The following KIAA1549 variants were observed in gnomAD, a reference collection of about 807,000 sequenced individuals.
KIAA1549 encodes KIAA1549, also known as UPF0606 protein KIAA1549.
Under a neutral mutation model 156.4 loss-of-function variants are expected in KIAA1549, and 70 were observed. The observed-to-expected ratio is 0.45, with a 90% CI of 0.37 to 0.55. KIAA1549 has a LOEUF of 0.55. KIAA1549 is among the 20% of genes least tolerant of loss of function. KIAA1549 has a pLI of 0.00. For missense variants in KIAA1549, 2,428 were observed against 2,540.9 expected, an observed-to-expected ratio of 0.96 and a Z score of 0.96; for synonymous variants, 1,103 against 1,066.4, an observed-to-expected ratio of 1.03 and a Z score of -0.67.
At chr7:138,924,823 C>G (rs919263580) in intron 1 of KIAA1549, among the ~76,000 whole-genome samples, 2 of 152,232 alleles carry the variant, frequency 1.3e-5, no homozygotes, top group African/African-American at 2.4e-5. Flanking sequence ...CCCTGGAGAT[C>G]AATTTTCAAG....
chr7:138,971,250 G>A lies in KIAA1549; in HGVS notation c.187+9833C>T, dbSNP rs75073979. Among the ~76,000 whole-genome samples, 552 of 152,254 alleles carry A rather than the reference G, an allele frequency of 3.6e-3. 3 individuals carry two copies. The highest frequency in any genetic ancestry group is 0.013 in the African/African-American group (535 of 41,546). ...TCTCCTCTGGAAGCCAGTTGTGTTT[G>A]CTCAAGCTCCTGATCCCCCCACGCT... On this transcript the variant is annotated intron_variant, in intron 1 of 19. Coordinates refer to ENST00000422774, the MANE Select transcript of KIAA1549 (RefSeq NM_001164665.2).
At chr7:138,877,076 G>A (rs1050951465) in intron 12 of KIAA1549, among the ~76,000 whole-genome samples, 2 of 152,182 alleles carry the variant, frequency 1.3e-5, no homozygotes, top group South Asian at 2.1e-4. Flanking sequence ...GAGAGGGAAC[G>A]CTGGTCCCAT....
At chr7:138,906,651 TGGG>T (rs1812012639) in intron 6 of KIAA1549, among the ~76,000 whole-genome samples, 1 of 151,986 alleles carries the variant, frequency 6.6e-6, no homozygotes, top group South Asian at 2.1e-4. Flanking sequence ...TTTGGAGACT[TGGG>T]GGGAAGAGTG....
At chr7:138,963,601 C>A (rs1813919119) in intron 1 of KIAA1549, among the ~76,000 whole-genome samples, 1 of 152,144 alleles carries the variant, frequency 6.6e-6, no homozygotes, top group Non-Finnish European at 1.5e-5. Flanking sequence ...GGCATTAATA[C>A]ACTGTGTTTT....
intron 17 of KIAA1549, among the ~76,000 whole-genome samples, chr7:138,849,593 T>C (rs1215461240): frequency 1.3e-5 from 2 of 152,042 alleles, no homozygotes; most frequent in East Asian, 3.9e-4. Context: ...CAGGGGTACA[T>C]GTGCAGGTTT....
intron 1 of KIAA1549, among the ~76,000 whole-genome samples, chr7:138,921,988 T>C (rs1183374619): frequency 6.6e-6 from 1 of 152,140 alleles, no homozygotes; most frequent in Non-Finnish European, 1.5e-5. Context: ...ACAGCAAAGA[T>C]TGACAGCAAA....
intron 16 of KIAA1549, among the ~76,000 whole-genome samples, chr7:138,858,335 A>T (rs1810454132): frequency 6.6e-6 from 1 of 151,950 alleles, no homozygotes; most frequent in Admixed American, 6.6e-5. Flanking sequence ...GGCTCAATCA[A>T]TCCTCCTGCC....
Position 138,918,191 on chromosome 7 carries a change from G to A in KIAA1549, c.1435C>T (p.Gln479Ter). ...GAGGGGAAAAGCGTATTAAATACTT[G>A]AGGATCTTCCTCAAATTCAGAGAAG... ...ADFSEFEEDP[Q>*]VFNTLFPSRP... The change falls in exon 2 of 20, where the codon CAA (glutamine) becomes TAA (stop). Residue 479 changes from glutamine to a stop codon, truncating the protein, a stop_gained. Coordinates refer to ENST00000422774, the MANE Select transcript of KIAA1549 (RefSeq NM_001164665.2). LOFTEE classifies it high-confidence loss of function. The surrounding 1 kb of genome is among the most constrained non-coding windows in gnomAD (Gnocchi z 4.2). 6.2e-7 allele frequency: 1 copy of A among 1,614,016 alleles called. No homozygotes were observed. Among genetic ancestry groups the A allele is most frequent in the Non-Finnish European group, 8.5e-7 (1 of 1,179,890 alleles).
Position 138,879,608 on chromosome 7 carries a change from G to T in KIAA1549, c.4275C>A (p.Ser1425Arg). ...DADSTVSEES[S>R]ERDAGDKTPG... ...GCGTCTTATCTCCTGCGTCCCTCTC[G>T]CTGGACTCTTCACTGACCGTAGAGT... is the stretch of plus-strand genomic sequence containing the variant. Residue 1425 changes from serine (S) to arginine (R), a missense_variant, in exon 12 of 20, where the codon AGC (serine) becomes AGA (arginine). Coordinates refer to ENST00000422774, the MANE Select transcript of KIAA1549 (RefSeq NM_001164665.2). 1.3e-6 allele frequency: 2 copies of T among 1,564,478 alleles called. No individual in the cohort carries two copies. Among genetic ancestry groups the T allele is most frequent in the Non-Finnish European group, 1.7e-6 (2 of 1,154,574 alleles).
At chr7:138,873,539 T>C (rs999901095) in intron 12 of KIAA1549, among the ~76,000 whole-genome samples, 1 of 149,492 alleles carries the variant, frequency 6.7e-6, no homozygotes, top group African/African-American at 2.5e-5. Context: ...AGAAGTGGGA[T>C]CACTTTCCTC....
Position 138,834,582 on chromosome 7 carries a change from A to G in KIAA1549, c.*3324T>C, listed in dbSNP as rs1809647271. On this transcript the variant is annotated 3_prime_UTR_variant, in exon 20 of 20. Coordinates refer to ENST00000422774, the MANE Select transcript of KIAA1549 (RefSeq NM_001164665.2). ...CATGTCTGCTGGGTTATTTGGTGCC[A>G]GAGACACCAGAAAGTCGGGAGCAGA... 4.3e-6 allele frequency: 1 copy of G among 231,234 alleles called. No individual in the cohort carries two copies. Among genetic ancestry groups the G allele is most frequent in the Admixed American group, 5.6e-5 (1 of 17,722 alleles). 14.3% of individuals were successfully genotyped at this position (231,234 alleles called of 1,614,324 possible).
chr7:138,854,909 C>T (rs1277036913), intron 16 of KIAA1549, among the ~76,000 whole-genome samples: 2 of 152,176 alleles, frequency 1.3e-5, no homozygotes, highest in East Asian at 1.9e-4. Flanking sequence ...GCTAAAAATT[C>T]ATCAGCAGAA....
rs781146282 is a variant in KIAA1549 at position 138,918,411 on chromosome 7, G to A, written c.1215C>T (p.Asn405=). ...SNSALPGPVD[N]THILSPVSSF... ...AGGACACCGGGCTCAGGATATGAGT[G>A]TTGTCCACAGGACCGGGGAGGGCTG... Residue 405 remains asparagine, a synonymous_variant, in exon 2 of 20, where the codon AAC becomes AAT. Transcript: ENST00000422774. The surrounding 1 kb of genome is among the most constrained non-coding windows in gnomAD (Gnocchi z 4.2). 31 of 1,614,010 alleles carry A rather than the reference G, an allele frequency of 1.9e-5. No individual in the cohort carries two copies. Among genetic ancestry groups the A allele is most frequent in the Non-Finnish European group, 2.3e-5 (27 of 1,179,896 alleles).
rs761889875 is a variant in KIAA1549 at position 138,844,414 on chromosome 7, C to A, written c.5355G>T (p.Gln1785His). The change falls in exon 18 of 20, where the codon CAG becomes CAT. Residue 1785 changes from glutamine (Q) to histidine (H), a missense_variant. Gln to His is a conservative substitution (Grantham distance 24, BLOSUM62 0). This residue lies in a region of KIAA1549 where 363 missense variants were observed against 354.0 expected (regional missense o/e 1.03). Transcript: ENST00000422774. ...STELVPPDPQ[Q>H]PQASAEAPFA... ...ATGGGGCTTCGGCGGAGGCCTGTGG[C>A]TGCTGAGGGTCAGGGGGCACCAGCT... 6.3e-7 allele frequency: 1 copy of A among 1,599,946 alleles called. No individual in the cohort carries two copies. Among genetic ancestry groups the A allele is most frequent in the Non-Finnish European group, 8.5e-7 (1 of 1,172,978 alleles).
chr7:138,879,688 C>T (rs1280531945), intron 11 of KIAA1549, 35 bp from the exon 12 acceptor site: 67 of 1,312,320 alleles, frequency 5.1e-5, no homozygotes, highest in Non-Finnish European at 2.0e-5. Context: ...ACATTAGAAA[C>T]AAGAAAGAAT....
intron 1 of KIAA1549, among the ~76,000 whole-genome samples, chr7:138,942,084 C>G (rs1410978435): frequency 1.3e-5 from 2 of 152,210 alleles, no homozygotes; most frequent in South Asian, 2.1e-4. Flanking sequence ...GTGAAAAACC[C>G]GAGGCTCCAA....
rs376235364 is a variant in KIAA1549, at chr7:138,916,900, G to T, written c.2726C>A (p.Pro909His). 1.2e-6 allele frequency: 2 copies of T among 1,613,540 alleles called. No homozygotes were observed. Among genetic ancestry groups the T allele is most frequent in the Non-Finnish European group, 1.7e-6 (2 of 1,179,778 alleles). The change falls in exon 2 of 20, where the codon CCC becomes CAC. Residue 909 changes from proline to histidine, a missense_variant. Physicochemically the swap from Pro to His is moderately conservative, Grantham distance 77. Coordinates refer to ENST00000422774, the MANE Select transcript of KIAA1549 (RefSeq NM_001164665.2). Reference protein sequence around the residue: ...TLMGDAASQSPPESSAAPPLP... With the variant: ...TLMGDAASQSHPESSAAPPLP... ...GGGAGGAGCAGCACTACTCTCTGGG[G>T]GGCTCTGACTTGCGGCGTCACCCAT...
chr7:138,927,183 G>GAATAGACC (rs1812742924), intron 1 of KIAA1549, among the ~76,000 whole-genome samples: 1 of 152,054 alleles, frequency 6.6e-6, no homozygotes, highest in Non-Finnish European at 1.5e-5. Flanking sequence ...TCCACCATAT[G>GAATAGACC]AATAGACCAA....
intron 6 of KIAA1549, among the ~76,000 whole-genome samples, chr7:138,905,782 C>G (rs1811989897): frequency 6.6e-6 from 1 of 151,944 alleles, no homozygotes. Context: ...TTGCTTCAGT[C>G]AGGAAGAAAG....
Sources: gnomAD v4.1 joint callset for allele counts (sites outside exome capture counted in the v4.1 genomes callset) on GRCh38, gnomAD v4.1.1 for gene constraint, gnomAD v4.1.1 regional missense constraint, Gnocchi (gnomAD v3.1) non-coding constraint, MANE v1.5 for transcripts, NCBI Gene and HGNC (gene_info 2026-07-23, HGNC 2026-07-21) for gene names.